The following CCSER1 variants were observed in gnomAD, a reference collection of about 807,000 sequenced individuals.
CCSER1 encodes serine-rich coiled-coil domain-containing protein 1.
CCSER1 carries 41 observed loss-of-function variants against 82.0 expected under a neutral mutation model. The ratio of observed to expected loss-of-function variants is 0.50; its 90% CI spans 0.39 to 0.65. The LOEUF (loss-of-function observed/expected upper bound fraction) is 0.65, where lower values mean the gene tolerates loss of function less well. Ranked by LOEUF, CCSER1 falls within the 30% of genes least tolerant of loss-of-function variation. CCSER1 has a pLI of 0.00. For missense variants in CCSER1, 1,119 were observed against 1,064.2 expected, an observed-to-expected ratio of 1.05 and a Z score of -0.72; for synonymous variants, 414 against 383.9, an observed-to-expected ratio of 1.08 and a Z score of -0.92.
intron 1 of CCSER1, among the ~76,000 whole-genome samples, chr4:90,183,252 AT>A (rs1471165208): frequency 6.6e-6 from 1 of 152,074 alleles, no homozygotes; most frequent in Non-Finnish European, 1.5e-5. Flanking sequence ...CATTCATATA[AT>A]TCCTATCACC....
chr4:90,435,113 TAC>T (rs1452259721), intron 4 of CCSER1, among the ~76,000 whole-genome samples: 1 of 152,146 alleles, frequency 6.6e-6, no homozygotes, highest in Non-Finnish European at 1.5e-5. Context: ...AAGCAAATAG[TAC>T]AGTTTCCTCA....
intron 4 of CCSER1, among the ~76,000 whole-genome samples, chr4:90,441,368 G>T (rs1197320737): frequency 6.6e-6 from 1 of 152,074 alleles, no homozygotes; most frequent in Non-Finnish European, 1.5e-5. Context: ...AGATCAAGGT[G>T]CCAGCATGGT....
intron 9 of CCSER1, among the ~76,000 whole-genome samples, chr4:90,997,975 T>C (rs939860524): frequency 6.6e-6 from 1 of 152,198 alleles, no homozygotes; most frequent in Middle Eastern, 3.2e-3. Context: ...CAGCTGAAAA[T>C]AATAAAATAT....
chr4:91,100,942 CT>C (rs1724998062), intron 10 of CCSER1, among the ~76,000 whole-genome samples: 1 of 152,018 alleles, frequency 6.6e-6, no homozygotes, highest in African/African-American at 2.4e-5. Context: ...CTTTTTTCTT[CT>C]TCTTTGGAAG....
chr4:91,580,570 A>C (rs1012735019), intron 10 of CCSER1, among the ~76,000 whole-genome samples: 1 of 151,914 alleles, frequency 6.6e-6, no homozygotes, highest in South Asian at 2.1e-4. Flanking sequence ...GTTTTGCATC[A>C]ATTGATGGTA....
At chr4:91,430,510 G>A (rs1754234582) in intron 10 of CCSER1, among the ~76,000 whole-genome samples, 1 of 152,108 alleles carries the variant, frequency 6.6e-6, no homozygotes, top group South Asian at 2.1e-4. Flanking sequence ...TTTTTACTTT[G>A]TTAAGATTTT....
chr4:91,520,361 C>T (rs1414635745), intron 10 of CCSER1, among the ~76,000 whole-genome samples: 1 of 149,804 alleles, frequency 6.7e-6, no homozygotes, highest in South Asian at 2.1e-4. Context: ...AGGCTCGCCT[C>T]CCTGAGTGCC....
intron 7 of CCSER1, among the ~76,000 whole-genome samples, chr4:90,771,565 T>TTAAAA (rs1554009978): frequency 2.0e-5 from 2 of 98,342 alleles, no homozygotes; most frequent in African/African-American, 3.2e-5. Flanking sequence ...TGCCGGGCAC[T>TTAAAA]AAAAAAAAAA....
chr4:90,629,656 G>A (rs752804931), intron 6 of CCSER1, among the ~76,000 whole-genome samples: 5 of 152,150 alleles, frequency 3.3e-5, no homozygotes, highest in African/African-American at 1.2e-4. Flanking sequence ...AAAGCTGGAA[G>A]ATACCTTCTC....
intron 10 of CCSER1, among the ~76,000 whole-genome samples, chr4:91,573,057 T>G (rs6532320): frequency 0.68 from 103,456 of 152,078 alleles, 35,845 homozygotes; most frequent in African/African-American, 0.82. Context: ...GGGAGGTCCT[T>G]CCCAGTGAGG....
rs1224818851 is a variant in CCSER1 at position 90,491,978 on chromosome 4, C to CT, written c.1724+23631dup. 4.6e-5 allele frequency among the ~76,000 whole-genome samples: 7 copies of CT among 152,180 alleles called. No individual in the cohort carries two copies. The East Asian group carries it at 1.4e-3, about 29-fold the overall frequency. ...ATTAGGGATATTGGTCTCAAATTCT[C>CT]TTTTTTTGTTGTGTCTCTGCCAGGC... On this transcript the variant is annotated intron_variant, in intron 5 of 10. Transcript: ENST00000509176.
chr4:90,709,902 C>A (rs1740179748), intron 6 of CCSER1, among the ~76,000 whole-genome samples: 1 of 151,120 alleles, frequency 6.6e-6, no homozygotes, highest in Admixed American at 6.6e-5. Context: ...CTTCCACCAA[C>A]AGTGTAAAAA....
chr4:91,182,640 A>G (rs1450986950), intron 10 of CCSER1, among the ~76,000 whole-genome samples: 1 of 152,228 alleles, frequency 6.6e-6, no homozygotes, highest in East Asian at 1.9e-4. Context: ...GAGCTTGGCT[A>G]TTATAGCCTG....
chr4:90,714,035 G>A (rs546023956), intron 6 of CCSER1, among the ~76,000 whole-genome samples: 1 of 151,930 alleles, frequency 6.6e-6, no homozygotes, highest in African/African-American at 2.4e-5. Flanking sequence ...CCCAGTATGA[G>A]AACCTGGAAA....
intron 6 of CCSER1, among the ~76,000 whole-genome samples, chr4:90,644,070 G>C (rs1376002840): frequency 1.3e-5 from 2 of 152,142 alleles, no homozygotes; most frequent in Non-Finnish European, 2.9e-5. Context: ...TTTGGGCCTT[G>C]AGCCTCACGT....
intron 9 of CCSER1, among the ~76,000 whole-genome samples, chr4:91,009,363 T>C (rs1300412590): frequency 6.6e-6 from 1 of 152,124 alleles, no homozygotes; most frequent in Non-Finnish European, 1.5e-5. Flanking sequence ...TTTCTTTACC[T>C]CCTGTTTTTG....
intron 10 of CCSER1, among the ~76,000 whole-genome samples, chr4:91,102,206 G>T (rs538581122): frequency 3.3e-5 from 5 of 152,192 alleles, no homozygotes; most frequent in African/African-American, 1.2e-4. Flanking sequence ...TAGATCCCAT[G>T]CAATAAAAAA....
intron 3 of CCSER1, among the ~76,000 whole-genome samples, chr4:90,346,660 A>C (rs1742410359): frequency 6.6e-6 from 1 of 152,082 alleles, no homozygotes; most frequent in Non-Finnish European, 1.5e-5. Flanking sequence ...TTACTGAAAA[A>C]ATGTGTGCCT....
chr4:91,414,967 C>G (rs568579063), intron 10 of CCSER1, among the ~76,000 whole-genome samples: 6 of 152,182 alleles, frequency 3.9e-5, no homozygotes, highest in Admixed American at 3.9e-4. Flanking sequence ...TAGATATAGA[C>G]AGCAATACAA....
Sources: allele counts gnomAD v4.1 joint callset (sites outside exome capture counted in the v4.1 genomes callset), GRCh38; gene constraint gnomAD v4.1.1; transcripts MANE v1.5; gene names NCBI Gene and HGNC (gene_info 2026-07-23, HGNC 2026-07-21).